Variants in HNRNPDL observed in about 807,000 individuals in gnomAD.
HNRNPDL encodes heterogeneous nuclear ribonucleoprotein D like.
In HNRNPDL, 18 loss-of-function variants were observed where a neutral mutation model predicts 48.0. The observed-to-expected ratio is 0.38, with a 90% CI of 0.26 to 0.56. The LOEUF is 0.56. Ranked by LOEUF, HNRNPDL falls within the 20% of genes least tolerant of loss-of-function variation. The pLI is 0.77. For synonymous variants in HNRNPDL, 306 were observed against 207.3 expected (o/e 1.48, Z -4.09); for missense variants, 553 against 540.7 (o/e 1.02, Z -0.23).
In HNRNPDL at chr4:82,429,891, C is replaced by A; in HGVS notation, c.-201G>T. The A allele has an allele frequency of 2.5e-6, 1 of 396,240 alleles. No individual in the cohort carries two copies. The highest frequency in any genetic ancestry group is 4.5e-5 in the Admixed American group (1 of 22,422). The allele number at this position is 396,240 out of a possible 1,614,324, so 24.5% of individuals were successfully genotyped here. A position where few individuals can be genotyped will look rare whatever the true frequency, so the allele number is the denominator to read the frequency against. On this transcript the variant is annotated 5_prime_UTR_variant, in exon 1 of 8. Coordinates refer to ENST00000295470, the MANE Select transcript of HNRNPDL (RefSeq NM_031372.4). ...GTCCAGCCCACTCCTACCAAAAAGCCGTCAACCCCGCCTTTTTCTGCCCTC... is the reference window on the plus strand; with the variant it reads ...GTCCAGCCCACTCCTACCAAAAAGCAGTCAACCCCGCCTTTTTCTGCCCTC...
rs975178350 is a variant in HNRNPDL, at chr4:82,422,781, C to G, written c.*2125G>C. The stretch of plus-strand genomic sequence containing the variant: ...TTAGAATTAATTTCTATCCTCTTCC[C>G]GAGGATAACATCACACAGAATTTGG... On this transcript the variant is annotated 3_prime_UTR_variant, in exon 8 of 8. Transcript: ENST00000295470. The G allele has an allele frequency of 6.6e-6, 1 of 151,918 alleles. No homozygotes were observed. Among genetic ancestry groups the G allele is most frequent in the Non-Finnish European group, 1.5e-5 (1 of 67,994 alleles). 9.4% of individuals were successfully genotyped at this position (151,918 alleles called of 1,614,324 possible).
At position 82,429,750 on chromosome 4, in the gene HNRNPDL, G is replaced by T. The variant is rs967835078; in HGVS notation, c.-60C>A. On this transcript the variant is annotated 5_prime_UTR_variant, in exon 1 of 8. Transcript: ENST00000295470. ...GAGGGGACGCGGGCTTGGGAGAAGA[G>T]AAGAATCAGAAGAGAAAAACGAAGG... 2.5e-4 allele frequency: 315 copies of T among 1,242,396 alleles called. No individual in the cohort carries two copies. Among genetic ancestry groups the T allele is most frequent in the Admixed American group, 1.1e-3 (28 of 24,602 alleles). The allele number at this position is 1,242,396 out of a possible 1,614,324, so 77.0% of individuals were successfully genotyped here. A position where few individuals can be genotyped will look rare whatever the true frequency, so the allele number is the denominator to read the frequency against.
Position 82,428,194 on chromosome 4 carries a change from T to A in HNRNPDL, c.613-15A>T, listed in dbSNP as rs970254849. The stretch of plus-strand genomic sequence containing the variant: ...AGTTCCAAAACCTACAAGACAGATT[T>A]ATTTAATCTGACAGCACCATATAAC... On this transcript the variant is annotated splice_polypyrimidine_tract_variant and intron_variant, in intron 2 of 7. Coordinates refer to ENST00000295470, the MANE Select transcript of HNRNPDL (RefSeq NM_031372.4). The A allele has an allele frequency of 7.8e-5, 125 of 1,612,788 alleles. 2 individuals carry two copies. In the Admixed American group the frequency reaches 2.0e-3, roughly 26 times the overall value.
In HNRNPDL at chr4:82,428,482, T is replaced by G. The variant is rs140334420; in HGVS notation, c.444-36A>C. On this transcript the variant is annotated intron_variant, in intron 1 of 7. Coordinates refer to ENST00000295470, the MANE Select transcript of HNRNPDL (RefSeq NM_031372.4). ...AAGTGTTTTTAAAAAAAATTAACAA[T>G]AACTCAAATGATCCTTCAGTTCTGG... 2.0e-4 allele frequency: 294 copies of G among 1,491,890 alleles called. 1 individual carries two copies. In the African/African-American group the frequency reaches 3.7e-3, roughly 19 times the overall value. The allele number at this position is 1,491,890 out of a possible 1,614,324, so 92.4% of individuals were successfully genotyped here.
chr4:82,425,875 G>C (rs911253525), intron 7 of HNRNPDL, 162 bp downstream of exon 7: 2 of 564,832 alleles, frequency 3.5e-6, no homozygotes, highest in Non-Finnish European at 6.3e-6. Context: ...TAAAGTTAAA[G>C]ATCTATAGAC....
chr4:82,428,252 A>T (rs1049179827), intron 2 of HNRNPDL, 26 bp downstream of exon 2: 4 of 1,608,758 alleles, frequency 2.5e-6, no homozygotes, highest in Middle Eastern at 3.3e-4. Flanking sequence ...CCACAAAAGC[A>T]GCACAATGCA....
chr4:82,429,649 C>G lies in HNRNPDL; in HGVS notation c.42G>C (p.Leu14Phe), dbSNP rs753174711. The G allele has an allele frequency of 5.9e-6, 8 of 1,366,826 alleles. No homozygotes were observed. Among genetic ancestry groups the G allele is most frequent in the Non-Finnish European group, 7.5e-6 (8 of 1,061,034 alleles). The allele number at this position is 1,366,826 out of a possible 1,614,324, so 84.7% of individuals were successfully genotyped here. Residue 14 changes from leucine to phenylalanine, a missense_variant, in exon 1 of 8, where the codon TTG becomes TTC. Around this residue, in one of 4 missense-constraint regions of HNRNPDL, gnomAD observed 327 missense variants for 203.2 expected, o/e 1.61. Coordinates refer to ENST00000295470, the MANE Select transcript of HNRNPDL (RefSeq NM_031372.4). ...CTAAAGTAGCGGGAGCGGAGGGGAA[C>G]AATGGCGGCGGCACATGGGAAAGCC... ...PPRLSHVPPP[L>F]FPSAPATLAS...
chr4:82,425,873 AAG>A, intron 7 of HNRNPDL, 162 bp downstream of exon 7: 1 of 558,386 alleles, frequency 1.8e-6, no homozygotes, highest in Non-Finnish European at 3.2e-6. Flanking sequence ...TTTAAAGTTA[AAG>A]ATCTATAGAC....
intron 1 of HNRNPDL, among the ~76,000 whole-genome samples, chr4:82,428,939 G>T (rs1402666040): frequency 6.6e-6 from 1 of 152,214 alleles, no homozygotes; most frequent in Non-Finnish European, 1.5e-5. Flanking sequence ...AAGAGGCGGC[G>T]GCAGCTGCAG....
chr4:82,426,386 C>T (rs570769754), intron 6 of HNRNPDL, 77 bp downstream of exon 6: 6 of 1,340,484 alleles, frequency 4.5e-6, no homozygotes, highest in East Asian at 2.3e-5. Context: ...CCCATACACA[C>T]AATTTCAGAA....
Position 82,427,462 on chromosome 4 carries a change from T to G in HNRNPDL, c.877A>C (p.Ser293Arg). The G allele has an allele frequency of 1.9e-6, 3 of 1,610,156 alleles. No homozygotes were observed. Among genetic ancestry groups the G allele is most frequent in the Non-Finnish European group, 2.5e-6 (3 of 1,179,112 alleles). ...CCAGAACCAATTTGATGGTATCTGC[T>G]TTCTAACAATTTTTTTACTGGCTCT... is the stretch of plus-strand genomic sequence containing the variant. ...DEEPVKKLLE[S>R]RYHQIGSGKC... The change falls in exon 4 of 8, where the codon AGC becomes CGC. Residue 293 changes from serine (S) to arginine (R), a missense_variant. Ser to Arg is a moderately radical substitution (Grantham distance 110). This residue lies in a region of HNRNPDL where 174 missense variants were observed against 204.6 expected (regional missense o/e 0.85). Transcript: ENST00000295470.
chr4:82,428,352 T>A lies in HNRNPDL; in HGVS notation c.538A>T (p.Lys180Ter). Reference sequence around the variant, plus strand: ...GATCTCCCAGTGACTGGATCTGTTTTAATTGTGCAGTCTACAACTTCCCCA... The same window carrying A: ...GATCTCCCAGTGACTGGATCTGTTTAAATTGTGCAGTCTACAACTTCCCCA... The part of the protein sequence containing the change: ...RFGEVVDCTI[K>*]TDPVTGRSRG... The change falls in exon 2 of 8, where the codon AAA becomes TAA. Residue 180 changes from lysine (K) to a stop codon, truncating the protein, a stop_gained. Transcript: ENST00000295470. LOFTEE classifies it high-confidence loss of function. 1 of 1,614,090 alleles carries A rather than the reference T, an allele frequency of 6.2e-7. No individual in the cohort carries two copies. Among genetic ancestry groups the A allele is most frequent in the Non-Finnish European group, 8.5e-7 (1 of 1,179,924 alleles).
In HNRNPDL at chr4:82,429,832, C is replaced by G. The variant is rs1375078502; in HGVS notation, c.-142G>C. ...CAGAGCCGACGCAGGGCCACAGTCCCTCTTGCCTTGGGAGCCTTTGTCTCT... is the reference window on the plus strand; with the variant it reads ...CAGAGCCGACGCAGGGCCACAGTCCGTCTTGCCTTGGGAGCCTTTGTCTCT... On this transcript the variant is annotated 5_prime_UTR_variant, in exon 1 of 8. Transcript: ENST00000295470. The G allele has an allele frequency of 1.9e-6, 1 of 528,290 alleles. No individual in the cohort carries two copies. The highest frequency in any genetic ancestry group is 3.5e-5 in the East Asian group (1 of 28,512). 32.7% of individuals were successfully genotyped at this position (528,290 alleles called of 1,614,324 possible).
intron 1 of HNRNPDL, 25 bp from the exon 2 acceptor site, chr4:82,428,471 A>T (rs772841258): frequency 1.5e-5 from 23 of 1,538,242 alleles, no homozygotes; most frequent in Non-Finnish European, 2.0e-5. Context: ...GTTTTTAAAA[A>T]AAATTAACAA....
chr4:82,428,397 T>C lies in HNRNPDL; in HGVS notation c.493A>G (p.Thr165Ala). The C allele has an allele frequency of 6.2e-7, 1 of 1,613,006 alleles. No homozygotes were observed. Among genetic ancestry groups the C allele is most frequent in the Non-Finnish European group, 8.5e-7 (1 of 1,179,012 alleles). The change falls in exon 2 of 8, where the codon ACA (threonine) becomes GCA (alanine). Residue 165 changes from threonine (T) to alanine (A), a missense_variant. Transcript: ENST00000295470. ...TCCCCAAATCGAGACAAGTACTCTG[T>C]CAGATCTTTTTTGCTTGTATCCCAG... ...LSWDTSKKDL[T>A]EYLSRFGEVV...
chr4:82,427,115 G>A (rs914794092), intron 5 of HNRNPDL, 75 bp downstream of exon 5: 9 of 981,590 alleles, frequency 9.2e-6, no homozygotes, highest in Non-Finnish European at 1.3e-5. Context: ...TTTTGCTTTG[G>A]TACAGGACTA....
chr4:82,426,709 T>A, intron 5 of HNRNPDL, 76 bp from the exon 6 acceptor site: 1 of 1,210,448 alleles, frequency 8.3e-7, no homozygotes, highest in Admixed American at 1.7e-5. Flanking sequence ...CGTTCTTGTC[T>A]CTCACTCTGC....
rs1157490889 is a variant in HNRNPDL at position 82,424,378 on chromosome 4, G to A, written c.*528C>T. The stretch of plus-strand genomic sequence containing the variant: ...TGTCTTCCTTTCAGGACAGTCTTCA[G>A]ATAACCAGAAGGGAAAGAACATTGT... On this transcript the variant is annotated 3_prime_UTR_variant, in exon 8 of 8. Transcript: ENST00000295470. The A allele has an allele frequency of 6.6e-6, 1 of 152,640 alleles. No individual in the cohort carries two copies. Among genetic ancestry groups the A allele is most frequent in the East Asian group, 1.9e-4 (1 of 5,202 alleles). The allele number at this position is 152,640 out of a possible 1,614,324, so 9.5% of individuals were successfully genotyped here.
Position 82,429,271 on chromosome 4 carries a change from C to T in HNRNPDL, c.420G>A (p.Ala140=), listed in dbSNP as rs767819623. 4 of 1,613,504 alleles carry T rather than the reference C, an allele frequency of 2.5e-6. No homozygotes were observed. The highest frequency in any genetic ancestry group is 3.4e-6 in the Non-Finnish European group (4 of 1,179,906). ...ACCCGTCATCCTGCTGATTCTTGCT[C>T]GCGTTGATCTTGGATCCCTCTGCGA... ...EEFAEGSKIN[A]SKNQQDDGKM... Residue 140 remains alanine (A), a synonymous_variant, in exon 1 of 8, where the codon GCG becomes GCA. Transcript: ENST00000295470.
Sources: gnomAD v4.1 joint callset for allele counts (sites outside exome capture counted in the v4.1 genomes callset) on GRCh38, gnomAD v4.1.1 for gene constraint, gnomAD v4.1.1 regional missense constraint, MANE v1.5 for transcripts, NCBI Gene and HGNC (gene_info 2026-07-23, HGNC 2026-07-21) for gene names.